Variants in CREB3L2 observed in about 807,000 individuals in gnomAD.
The protein encoded by CREB3L2 is cAMP responsive element binding protein 3 like 2.
In CREB3L2, 23 loss-of-function variants were observed where a neutral mutation model predicts 57.2. The observed-to-expected ratio is 0.40, with a 90% CI of 0.29 to 0.57. CREB3L2 has a LOEUF of 0.57. CREB3L2 is among the 20% of genes least tolerant of loss of function. The pLI is 0.42. For synonymous variants in CREB3L2, 268 were observed against 265.1 expected, an observed-to-expected ratio of 1.01 and a Z score of -0.11; for missense variants, 628 against 634.7, an observed-to-expected ratio of 0.99 and a Z score of 0.11.
chr7:137,953,459 T>C (rs772141949), intron 1 of CREB3L2: 1 of 1,288,660 alleles, frequency 7.8e-7, no homozygotes, highest in South Asian at 1.2e-5. Context: ...CTGCTGTTGG[T>C]GTATGTTAAA....
chr7:137,903,432 C>T (rs187184885), intron 7 of CREB3L2, among the ~76,000 whole-genome samples: 48 of 151,990 alleles, frequency 3.2e-4, no homozygotes, highest in African/African-American at 1.1e-3. Context: ...TCTAACAGCC[C>T]GCCTGATATT....
At chr7:137,957,592 G>A (rs931803461) in intron 1 of CREB3L2, 3 of 378,084 alleles carry the variant, frequency 7.9e-6, no homozygotes, top group Non-Finnish European at 1.5e-5. Flanking sequence ...TCAACAACTA[G>A]GCCCAGCCCC....
intron 2 of CREB3L2, among the ~76,000 whole-genome samples, chr7:137,919,685 G>A (rs369984481): frequency 1.3e-5 from 2 of 152,094 alleles, no homozygotes; most frequent in Admixed American, 6.6e-5. Context: ...CAAGAGAAAG[G>A]TTAAGTCAAT....
intron 1 of CREB3L2, chr7:137,957,760 G>A (rs1342877616): frequency 7.8e-7 from 1 of 1,288,844 alleles, no homozygotes; most frequent in Non-Finnish European, 1.0e-6. Context: ...TAAGAAAGAA[G>A]ACTGGCTGTA....
At chr7:137,999,914 T>C (rs1420997734) in intron 1 of CREB3L2, 1 of 152,214 alleles carries the variant, frequency 6.6e-6, no homozygotes, top group Non-Finnish European at 1.5e-5. Flanking sequence ...GCTGTTAATA[T>C]CAAAGCAAAT....
At chr7:137,890,476 C>A (rs970680020) in intron 8 of CREB3L2, among the ~76,000 whole-genome samples, 1 of 152,206 alleles carries the variant, frequency 6.6e-6, no homozygotes, top group Non-Finnish European at 1.5e-5. Context: ...AAGGCAAAGA[C>A]ACCTGAGTTT....
intron 2 of CREB3L2, among the ~76,000 whole-genome samples, chr7:137,927,460 AAAAAGAAAAGAAG>A (rs973424371): frequency 4.0e-5 from 6 of 151,876 alleles, no homozygotes; most frequent in Non-Finnish European, 8.8e-5. Context: ...AGGGAGAGAG[AAAAAGAAAAGAAG>A]AAAAGAAAAG....
intron 1 of CREB3L2, among the ~76,000 whole-genome samples, chr7:137,931,294 G>T (rs1217260411): frequency 6.6e-6 from 1 of 151,814 alleles, no homozygotes; most frequent in Non-Finnish European, 1.5e-5. Context: ...AGGCTGAGAT[G>T]GGCGGATCAT....
In CREB3L2 at chr7:137,878,218, C is replaced by A. The variant is rs533739769; in HGVS notation, c.*2258G>T. 4.3e-6 allele frequency: 1 copy of A among 232,224 alleles called. No homozygotes were observed. Among genetic ancestry groups the A allele is most frequent in the East Asian group, 6.1e-5 (1 of 16,452 alleles). The allele number at this position is 232,224 out of a possible 1,614,324, so 14.4% of individuals were successfully genotyped here. A position where few individuals can be genotyped will look rare whatever the true frequency, so the allele number is the denominator to read the frequency against. On this transcript the variant is annotated 3_prime_UTR_variant, in exon 12 of 12. Coordinates refer to ENST00000330387, the MANE Select transcript of CREB3L2 (RefSeq NM_194071.4). ...GCTAGAAGTTTCCTTTATCTTCTCC[C>A]TCCTCATTTAGAAGAGCACGTTTCC... is the stretch of plus-strand genomic sequence containing the variant.
chr7:137,916,828 G>C (rs1049140858), intron 2 of CREB3L2, among the ~76,000 whole-genome samples: 2 of 151,902 alleles, frequency 1.3e-5, no homozygotes, highest in African/African-American at 4.9e-5. Flanking sequence ...GAGCGACAGA[G>C]AGAGAGAGAG....
intron 8 of CREB3L2, among the ~76,000 whole-genome samples, chr7:137,887,741 T>G (rs535382952): frequency 6.6e-6 from 1 of 152,194 alleles, no homozygotes; most frequent in South Asian, 2.1e-4. Flanking sequence ...TGCGTTTCTA[T>G]CTACATGACA....
intron 1 of CREB3L2, among the ~76,000 whole-genome samples, chr7:137,996,327 G>C (rs1265510297): frequency 6.6e-6 from 1 of 152,240 alleles, no homozygotes; most frequent in Non-Finnish European, 1.5e-5. Flanking sequence ...TGATGTCTAA[G>C]AAAGGAGGGG....
chr7:137,972,084 AAATTAACAGC>A (rs1240533896), intron 1 of CREB3L2, among the ~76,000 whole-genome samples: 26 of 152,288 alleles, frequency 1.7e-4, no homozygotes, highest in Admixed American at 8.5e-4. Flanking sequence ...AACACAAGAG[AAATTAACAGC>A]AGTTTCGGGA....
At chr7:137,893,856 A>G (rs1214979946) in intron 8 of CREB3L2, among the ~76,000 whole-genome samples, 2 of 152,244 alleles carry the variant, frequency 1.3e-5, no homozygotes, top group African/African-American at 4.8e-5. Flanking sequence ...TGAAGTCCAC[A>G]TGCCACACAT....
intron 8 of CREB3L2, among the ~76,000 whole-genome samples, chr7:137,895,802 A>G (rs947904369): frequency 3.9e-5 from 6 of 152,072 alleles, no homozygotes; most frequent in African/African-American, 1.4e-4. Context: ...TGAAACAGCC[A>G]CTCACCTTCC....
intron 5 of CREB3L2, among the ~76,000 whole-genome samples, chr7:137,908,004 CAT>C (rs1201992085): frequency 6.6e-6 from 1 of 152,144 alleles, no homozygotes; most frequent in Non-Finnish European, 1.5e-5. Flanking sequence ...GTAAAATAAA[CAT>C]ATGAATAAAA....
intron 2 of CREB3L2, among the ~76,000 whole-genome samples, chr7:137,922,384 G>GTATATA (rs1175503933): frequency 0.064 from 1,224 of 19,128 alleles, 12 homozygotes; most frequent in Non-Finnish European, 0.089. Flanking sequence ...ATATATATAT[G>GTATATA]TATATATATA....
intron 1 of CREB3L2, among the ~76,000 whole-genome samples, chr7:137,964,609 G>C (rs1175391913): frequency 6.6e-6 from 1 of 152,244 alleles, no homozygotes; most frequent in African/African-American, 2.4e-5. Context: ...GAGGGAACAA[G>C]CATGATATGC....
chr7:137,988,933 GAGAC>G (rs1801835064), intron 1 of CREB3L2, among the ~76,000 whole-genome samples: 1 of 137,178 alleles, frequency 7.3e-6, no homozygotes, highest in Admixed American at 7.5e-5. Flanking sequence ...AAGAGAAAGA[GAGAC>G]AGAAGGAAGG....
Sources: gnomAD v4.1 joint callset for allele counts (sites outside exome capture counted in the v4.1 genomes callset) on GRCh38, gnomAD v4.1.1 for gene constraint, MANE v1.5 for transcripts, NCBI Gene and HGNC (gene_info 2026-07-23, HGNC 2026-07-21) for gene names.